Variants in SNX29 observed in about 807,000 individuals in gnomAD.
SNX29 encodes sorting nexin-29.
In SNX29, 78 loss-of-function variants were observed where a neutral mutation model predicts 102.1. That is an observed-to-expected ratio of 0.76 (90% confidence interval 0.64 to 0.92). The LOEUF is 0.92. SNX29 is among the 40% of genes least tolerant of loss of function. The pLI, the probability that SNX29 is intolerant of heterozygous loss-of-function variation, is 0.00. For synonymous variants in SNX29, 580 were observed against 414.5 expected (o/e 1.40, Z -4.85); for missense variants, 1,280 against 1,061.7 (o/e 1.21, Z -2.86).
rs1379997814 is a variant in SNX29, at chr16:12,571,847, T to A, written c.*3218T>A. 3.8e-6 allele frequency: 4 copies of A among 1,056,680 alleles called. No homozygotes were observed. The highest frequency in any genetic ancestry group is 4.6e-6 in the Non-Finnish European group (4 of 872,592). The allele number at this position is 1,056,680 out of a possible 1,614,324, so 65.5% of individuals were successfully genotyped here. ...ATTCCCACTTAGCAGTATGCTCCAATCACGTTGCTGGCAAGGCATTTTAGA... is the reference window on the plus strand; with the variant it reads ...ATTCCCACTTAGCAGTATGCTCCAAACACGTTGCTGGCAAGGCATTTTAGA... On this transcript the variant is annotated 3_prime_UTR_variant, in exon 21 of 21. Transcript: ENST00000566228.
intron 20 of SNX29, among the ~76,000 whole-genome samples, chr16:12,556,857 A>AGT (rs1484638873): frequency 2.7e-5 from 4 of 150,774 alleles, no homozygotes; most frequent in African/African-American, 9.7e-5. Flanking sequence ...GAAAAAATTG[A>AGT]ATTTTTTTTT....
intron 20 of SNX29, among the ~76,000 whole-genome samples, chr16:12,564,176 T>G (rs2078890004): frequency 6.6e-6 from 1 of 152,024 alleles, no homozygotes; most frequent in African/African-American, 2.4e-5. Context: ...TTGCTTGAGT[T>G]CAGGAGTTTG....
At chr16:12,463,378 C>G (rs1488319542) in intron 18 of SNX29, among the ~76,000 whole-genome samples, 2 of 152,200 alleles carry the variant, frequency 1.3e-5, no homozygotes, top group Non-Finnish European at 2.9e-5. Context: ...ATTGGACTCA[C>G]AGTTCCACAT....
intron 3 of SNX29, among the ~76,000 whole-genome samples, chr16:12,005,609 T>G (rs1002851557): frequency 6.6e-6 from 1 of 152,170 alleles, no homozygotes; most frequent in Non-Finnish European, 1.5e-5. Flanking sequence ...TTGACCACTT[T>G]TCTTCATTAC....
rs927687364 is a variant in SNX29, at chr16:12,239,248, T to C, written c.1679-38685T>C. Among the ~76,000 whole-genome samples, 5 of 152,290 alleles carry C rather than the reference T, an allele frequency of 3.3e-5. No individual in the cohort carries two copies. In the East Asian group the frequency reaches 5.8e-4, roughly 18 times the overall value. On this transcript the variant is annotated intron_variant, in intron 14 of 20. Coordinates refer to ENST00000566228, the MANE Select transcript of SNX29 (RefSeq NM_032167.5). ...AGCTGATGTTCATTGCGTTCATTGT[T>C]TGTTGCCAGGAAGTGCATTCTGTAC...
chr16:12,303,965 G>A (rs1182084496), intron 15 of SNX29, among the ~76,000 whole-genome samples: 2 of 152,138 alleles, frequency 1.3e-5, no homozygotes, highest in Non-Finnish European at 2.9e-5. Flanking sequence ...AGGTTTGGAT[G>A]TCTGGCCCTG....
At chr16:12,126,732 T>C (rs1205352636) in intron 12 of SNX29, 36 bp downstream of exon 12, 1 of 1,608,546 alleles carries the variant, frequency 6.2e-7, no homozygotes. Context: ...ATAGCCTCTT[T>C]CTTTGACATT....
At chr16:12,044,441 A>G (rs1227404263) in intron 5 of SNX29, among the ~76,000 whole-genome samples, 1 of 152,142 alleles carries the variant, frequency 6.6e-6, no homozygotes, top group Non-Finnish European at 1.5e-5. Context: ...TATGGGTCCA[A>G]AATGGGAGTG....
At chr16:12,063,162 C>T (rs553905453) in intron 9 of SNX29, among the ~76,000 whole-genome samples, 2 of 152,178 alleles carry the variant, frequency 1.3e-5, no homozygotes, top group South Asian at 2.1e-4. Flanking sequence ...ACAGTGAAGG[C>T]GCCTTGAGTT....
chr16:12,388,248 A>G (rs1160671747), intron 16 of SNX29, among the ~76,000 whole-genome samples: 1 of 152,146 alleles, frequency 6.6e-6, no homozygotes, highest in Non-Finnish European at 1.5e-5. Context: ...TTGGCTTTGA[A>G]TTATTGCTGT....
rs1384970933 is a variant in SNX29, at chr16:12,282,953, G to T, written c.1782+4917G>T. On this transcript the variant is annotated intron_variant, in intron 15 of 20. Coordinates refer to ENST00000566228, the MANE Select transcript of SNX29 (RefSeq NM_032167.5). ...ATTACAGGCGTGAGCCACTGCACTC[G>T]GCCCACAGTTAAGTCTTAACTAGAG... Among the ~76,000 whole-genome samples, 5 of 152,228 alleles carry T rather than the reference G, an allele frequency of 3.3e-5. No individual in the cohort carries two copies. The South Asian group carries it at 1.0e-3, about 32-fold the overall frequency.
chr16:12,202,661 T>C (rs962398664), intron 14 of SNX29, among the ~76,000 whole-genome samples: 13 of 152,288 alleles, frequency 8.5e-5, no homozygotes, highest in African/African-American at 3.1e-4. Flanking sequence ...GTTTCACTTA[T>C]GAAAGTAGGA....
At chr16:12,485,260 A>G (rs1477782075) in intron 19 of SNX29, among the ~76,000 whole-genome samples, 1 of 152,166 alleles carries the variant, frequency 6.6e-6, no homozygotes, top group Non-Finnish European at 1.5e-5. Context: ...TGCCTGTCCA[A>G]ATGGGCTTTA....
intron 19 of SNX29, 149 bp downstream of exon 19, chr16:12,478,008 T>A (rs1319247064): frequency 1.1e-5 from 10 of 932,586 alleles, no homozygotes; most frequent in Non-Finnish European, 1.5e-5. Context: ...GAAATAGCCA[T>A]TCATAATTCC....
At chr16:12,121,225 G>A (rs541881570) in intron 11 of SNX29, among the ~76,000 whole-genome samples, 3 of 152,342 alleles carry the variant, frequency 2.0e-5, no homozygotes, top group African/African-American at 7.2e-5. Context: ...CCAGGGGACA[G>A]TGTGCTTTCG....
At chr16:12,496,005 G>A (rs191494168) in intron 19 of SNX29, among the ~76,000 whole-genome samples, 1 of 152,254 alleles carries the variant, frequency 6.6e-6, no homozygotes, top group African/African-American at 2.4e-5. Flanking sequence ...CCGAGATCAT[G>A]CCACTGCACT....
At chr16:12,366,889 ACTCTCT>A (rs78636663) in intron 16 of SNX29, 1 of 88,254 alleles carries the variant, frequency 1.1e-5, no homozygotes, top group Admixed American at 1.0e-4. Flanking sequence ...CCCCTGCCTG[ACTCTCT>A]CTCTCTGTGG....
At chr16:12,254,965 C>T (rs1428832954) in intron 14 of SNX29, among the ~76,000 whole-genome samples, 2 of 152,130 alleles carry the variant, frequency 1.3e-5, no homozygotes, top group East Asian at 1.9e-4. Flanking sequence ...TAAGGAAATG[C>T]AGCAGTAATG....
chr16:12,557,025 C>CA (rs1555458245), intron 20 of SNX29, among the ~76,000 whole-genome samples: 1 of 20,392 alleles, frequency 4.9e-5, no homozygotes, highest in Non-Finnish European at 1.6e-4. Context: ...ACCCCCCCCC[C>CA]GCCCCAAGAT....
Sources: allele counts gnomAD v4.1 joint callset (sites outside exome capture counted in the v4.1 genomes callset), GRCh38; gene constraint gnomAD v4.1.1; transcripts MANE v1.5; gene names NCBI Gene and HGNC (gene_info 2026-07-23, HGNC 2026-07-21).